The following IL1RAPL2 variants were observed in gnomAD, a reference collection of about 807,000 sequenced individuals.
IL1RAPL2 encodes X-linked interleukin-1 receptor accessory protein-like 2.
Under a neutral mutation model 44.1 loss-of-function variants are expected in IL1RAPL2, and 3 were observed. The ratio of observed to expected loss-of-function variants is 0.07; its 90% CI spans 0.03 to 0.18. IL1RAPL2 has a LOEUF of 0.18. Among genes scored for constraint, IL1RAPL2 ranks in the 10% least tolerant of loss-of-function variants. The probability of loss-of-function intolerance (pLI) is 1.00; values close to 1 mark genes in which losing one functional copy is unlikely to be tolerated. For missense variants in IL1RAPL2, 391 were observed against 496.4 expected (o/e 0.79, Z 2.02); for synonymous variants, 181 against 178.8 (o/e 1.01, Z -0.10).
chrX:105,662,273 C>G (rs746998049), intron 6 of IL1RAPL2, among the ~76,000 whole-genome samples: 1 of 112,181 alleles, frequency 8.9e-6, no homozygotes, highest in Non-Finnish European at 1.9e-5. Context: ...GGAATAGCAT[C>G]TGAAAAGCTT....
intron 2 of IL1RAPL2, among the ~76,000 whole-genome samples, chrX:104,943,920 T>C (rs746609163): frequency 8.9e-6 from 1 of 112,194 alleles, no homozygotes; most frequent in South Asian, 3.7e-4. Flanking sequence ...TAGCACTCAA[T>C]AAATATTTGT....
At chrX:104,825,932 A>G (rs1041822442) in intron 2 of IL1RAPL2, among the ~76,000 whole-genome samples, 1 of 111,525 alleles carries the variant, frequency 9.0e-6, no homozygotes, top group Non-Finnish European at 1.9e-5. Context: ...ATGTTTATGC[A>G]TGCTTGAGGG....
chrX:105,454,214 C>A (rs1235422338), intron 5 of IL1RAPL2, among the ~76,000 whole-genome samples: 2 of 111,681 alleles, frequency 1.8e-5, no homozygotes, highest in African/African-American at 6.5e-5. Context: ...TCCTTGCAGG[C>A]CCTGATCCCA....
At chrX:105,514,737 G>C (rs961215961) in intron 6 of IL1RAPL2, among the ~76,000 whole-genome samples, 22 of 111,742 alleles carry the variant, frequency 2.0e-4, no homozygotes, top group Admixed American at 4.8e-4. Context: ...GCAACAAAGG[G>C]AAGCAAAGAG....
intron 4 of IL1RAPL2, among the ~76,000 whole-genome samples, chrX:105,253,689 T>G (rs763224687): frequency 6.1e-4 from 68 of 111,605 alleles, no homozygotes; most frequent in African/African-American, 2.1e-3. Context: ...AATAGTTATC[T>G]TTTCTGCTCC....
At chrX:104,608,478 T>G (rs961811210) in intron 1 of IL1RAPL2, among the ~76,000 whole-genome samples, 5 of 110,805 alleles carry the variant, frequency 4.5e-5, no homozygotes, top group Non-Finnish European at 7.5e-5. Flanking sequence ...TAAGTCTCTT[T>G]GTAGTTCTCT....
intron 2 of IL1RAPL2, among the ~76,000 whole-genome samples, chrX:105,071,200 T>C (rs1163434714): frequency 9.1e-6 from 1 of 110,108 alleles, no homozygotes; most frequent in Non-Finnish European, 1.9e-5. Flanking sequence ...GGATACAAAA[T>C]CAACACAGAA....
chrX:105,436,305 C>T (rs1569440711), intron 5 of IL1RAPL2, among the ~76,000 whole-genome samples: 1 of 110,538 alleles, frequency 9.0e-6, no homozygotes, highest in African/African-American at 3.3e-5. Context: ...TTATAACTGT[C>T]CTATATCCTG....
At chrX:105,163,528 C>T (rs1010005258) in intron 2 of IL1RAPL2, among the ~76,000 whole-genome samples, 3 of 112,000 alleles carry the variant, frequency 2.7e-5, no homozygotes, top group African/African-American at 9.7e-5. Flanking sequence ...ATTTTTCATG[C>T]AAGTATTTTG....
At chrX:105,115,148 T>G (rs2032840799) in intron 2 of IL1RAPL2, among the ~76,000 whole-genome samples, 1 of 111,229 alleles carries the variant, frequency 9.0e-6, no homozygotes, top group South Asian at 4.0e-4. Context: ...GGTGTTCGGA[T>G]GTGTTTGGAG....
chrX:105,523,563 A>G (rs1304598887), intron 6 of IL1RAPL2, among the ~76,000 whole-genome samples: 1 of 111,483 alleles, frequency 9.0e-6, no homozygotes, highest in Non-Finnish European at 1.9e-5. Flanking sequence ...GACAATTGAA[A>G]CAAATTGTTT....
At chrX:104,726,921 A>G (rs771957377) in intron 2 of IL1RAPL2, among the ~76,000 whole-genome samples, 475 of 109,248 alleles carry the variant, frequency 4.3e-3, no homozygotes, top group Non-Finnish European at 7.2e-3. Context: ...TGGATTTTCT[A>G]TCTCTCATCA....
chrX:104,888,240 G>C (rs79328153), intron 2 of IL1RAPL2, among the ~76,000 whole-genome samples: 4 of 104,882 alleles, frequency 3.8e-5, no homozygotes, highest in African/African-American at 1.4e-4. Flanking sequence ...GAAAGTCAGA[G>C]AGAGAGAGAG....
chrX:104,803,344 A>G (rs1258016549), intron 2 of IL1RAPL2, among the ~76,000 whole-genome samples: 2 of 112,100 alleles, frequency 1.8e-5, no homozygotes, highest in Admixed American at 9.4e-5. Flanking sequence ...CAGTTTGGCA[A>G]TGAATCACCT....
chrX:104,655,335 A>G (rs1930233721), intron 1 of IL1RAPL2, among the ~76,000 whole-genome samples: 1 of 111,146 alleles, frequency 9.0e-6, no homozygotes, highest in South Asian at 3.8e-4. Flanking sequence ...TATTATTTTG[A>G]GATATATTCC....
chrX:105,228,822 C>G (rs899416269), intron 3 of IL1RAPL2, among the ~76,000 whole-genome samples: 1 of 111,869 alleles, frequency 8.9e-6, no homozygotes, highest in Non-Finnish European at 1.9e-5. Flanking sequence ...AACTACTGAC[C>G]AGCTACGTCA....
intron 6 of IL1RAPL2, among the ~76,000 whole-genome samples, chrX:105,519,385 A>AGGG (rs1181555580): frequency 1.8e-5 from 2 of 111,395 alleles, no homozygotes; most frequent in African/African-American, 6.5e-5. Flanking sequence ...AGTGCTTCAG[A>AGGG]GGGGGGATGG....
At chrX:105,662,418 T>C (rs1355483952) in intron 6 of IL1RAPL2, among the ~76,000 whole-genome samples, 1 of 111,913 alleles carries the variant, frequency 8.9e-6, no homozygotes, top group Non-Finnish European at 1.9e-5. Context: ...CAATCTCTTA[T>C]TGGATGTGTG....
intron 2 of IL1RAPL2, among the ~76,000 whole-genome samples, chrX:104,762,908 G>A (rs1932488740): frequency 8.9e-6 from 1 of 111,962 alleles, no homozygotes; most frequent in Non-Finnish European, 1.9e-5. Context: ...GGCCTGTGAT[G>A]GGAGCAGCTG....
Sources: gnomAD v4.1 joint callset for allele counts (sites outside exome capture counted in the v4.1 genomes callset) on GRCh38, gnomAD v4.1.1 for gene constraint, MANE v1.5 for transcripts, NCBI Gene and HGNC (gene_info 2026-07-23, HGNC 2026-07-21) for gene names.